The following AFF1 variants were observed in gnomAD, a reference collection of about 807,000 sequenced individuals.
AFF1 encodes the protein ALF transcription elongation factor 1, also known as AF4/FMR2 family member 1.
A neutral mutation model predicts 121.7 loss-of-function variants in AFF1; 48 were observed. The ratio of observed to expected loss-of-function variants is 0.39; its 90% CI spans 0.31 to 0.50. The LOEUF is 0.50. AFF1 is among the 20% of genes least tolerant of loss of function. The pLI is 0.76. For missense variants in AFF1, 1,523 were observed against 1,511.7 expected, an observed-to-expected ratio of 1.01 and a Z score of -0.12; for synonymous variants, 613 against 563.0, an observed-to-expected ratio of 1.09 and a Z score of -1.26.
chr4:87,108,077 G>T, intron 10 of AFF1, 82 bp from the exon 11 acceptor site: 1 of 1,500,218 alleles, frequency 6.7e-7, no homozygotes, highest in African/African-American at 1.4e-5. Context: ...GCCCTTTTGA[G>T]TAGCAGGAAA....
At chr4:86,959,863 G>A (rs1722021021) in intron 2 of AFF1, among the ~76,000 whole-genome samples, 1 of 152,192 alleles carries the variant, frequency 6.6e-6, no homozygotes, top group Non-Finnish European at 1.5e-5. Flanking sequence ...ATGTCTTAAA[G>A]CCAGCTTCTC....
intron 13 of AFF1, 98 bp downstream of exon 13, chr4:87,125,241 G>T: frequency 1.3e-6 from 1 of 792,278 alleles, no homozygotes. Flanking sequence ...AGAATCAGTG[G>T]ATTAATAAAC....
intron 1 of AFF1, 136 bp from the exon 2 acceptor site, chr4:86,948,362 G>T (rs2149449564): frequency 1.8e-6 from 1 of 565,584 alleles, no homozygotes; most frequent in African/African-American, 1.9e-5. Flanking sequence ...CATACAACTT[G>T]GGAATTGGAG....
At chr4:87,095,911 C>T (rs1325709100) in intron 8 of AFF1, among the ~76,000 whole-genome samples, 1 of 152,180 alleles carries the variant, frequency 6.6e-6, no homozygotes, top group African/African-American at 2.4e-5. Flanking sequence ...CTCAGGATTT[C>T]AGGTGGCCCA....
rs768276085 is a variant in AFF1 at position 87,134,568 on chromosome 4, G to A, written c.3409G>A (p.Ala1137Thr). The stretch of plus-strand genomic sequence containing the variant: ...TGGCAGTGTGGGGAGCAGTGGGGTG[G>A]CTGCCACTATCAGCACCCCAGTCAC... ...SAGSVGSSGV[A>T]ATISTPVTIQ... is the part of the protein sequence containing the mutation. Residue 1137 changes from alanine (A) to threonine (T), a missense_variant, in exon 20 of 21, where the codon GCT (alanine) becomes ACT (threonine). Ala to Thr is a moderately conservative substitution (Grantham distance 58). Coordinates refer to ENST00000395146, the MANE Select transcript of AFF1 (RefSeq NM_001166693.3). 1.2e-6 allele frequency: 2 copies of A among 1,613,830 alleles called. No homozygotes were observed. Among genetic ancestry groups the A allele is most frequent in the African/African-American group, 1.3e-5 (1 of 75,020 alleles).
At chr4:87,007,493 G>A in intron 2 of AFF1, 2 of 1,601,612 alleles carry the variant, frequency 1.2e-6, no homozygotes, top group Non-Finnish European at 1.7e-6. Flanking sequence ...TGCGGGGGAG[G>A]GCAGGGTGCG....
chr4:87,051,983 A>G (rs978704224), intron 4 of AFF1, among the ~76,000 whole-genome samples: 5 of 152,184 alleles, frequency 3.3e-5, no homozygotes, highest in African/African-American at 1.2e-4. Flanking sequence ...GAGGAGGCTG[A>G]CTTAAAAATG....
chr4:87,023,430 A>C (rs1306972632), intron 2 of AFF1, among the ~76,000 whole-genome samples: 2 of 144,476 alleles, frequency 1.4e-5, no homozygotes, highest in Non-Finnish European at 3.1e-5. Context: ...TATTATAAAA[A>C]CTGTGCCTAA....
In AFF1 at chr4:87,046,877, CCA is replaced by C; in HGVS notation, c.346_347del (p.Thr116Ter). The C allele has an allele frequency of 6.2e-7, 1 of 1,614,230 alleles. No homozygotes were observed. The highest frequency in any genetic ancestry group is 8.5e-7 in the Non-Finnish European group (1 of 1,180,040). On this transcript the variant is annotated frameshift_variant, in exon 4 of 21. Coordinates refer to ENST00000395146, the MANE Select transcript of AFF1 (RefSeq NM_001166693.3). LOFTEE classifies it high-confidence loss of function. Reference sequence around the variant, plus strand: ...GGAGCAGCATTCCATCCAGCTCCTTCCACACTAGTGTCCACCACCAGTCCATT... The same window carrying C: ...GGAGCAGCATTCCATCCAGCTCCTTCCACTAGTGTCCACCACCAGTCCATT... ...KGSSIPSSSF[H>X]TSVHHQSIHT...
rs1729450636 is a variant in AFF1, at chr4:87,138,193, A to G, written c.*2492A>G. The G allele has an allele frequency of 4.3e-6, 1 of 232,474 alleles. No homozygotes were observed. The highest frequency in any genetic ancestry group is 8.5e-6 in the Non-Finnish European group (1 of 117,690). 14.4% of individuals were successfully genotyped at this position (232,474 alleles called of 1,614,324 possible). On this transcript the variant is annotated 3_prime_UTR_variant, in exon 21 of 21. Transcript: ENST00000395146. ...CTAATGGTAACCTTTTTAATAGAGT[A>G]TGTGAAAGGTAGTGGCTGATGAATC...
intron 2 of AFF1, among the ~76,000 whole-genome samples, chr4:87,019,884 C>CGGG (rs34782951): frequency 0.17 from 14,194 of 81,830 alleles, 943 homozygotes; most frequent in Middle Eastern, 0.27. Flanking sequence ...CTGAAGGGGT[C>CGGG]GGGGGGGGGC....
chr4:87,084,604 A>ATAAATAAAT (rs1553929108), intron 5 of AFF1, among the ~76,000 whole-genome samples: 1 of 121,780 alleles, frequency 8.2e-6, no homozygotes, highest in Non-Finnish European at 1.9e-5. Flanking sequence ...AAATAAATAA[A>ATAAATAAAT]AAATAAAGAA....
chr4:87,091,866 C>T (rs755327655), intron 7 of AFF1, 37 bp downstream of exon 7: 2 of 1,469,060 alleles, frequency 1.4e-6, no homozygotes, highest in Non-Finnish European at 1.9e-6. Flanking sequence ...GATTGGAGAA[C>T]AAAGCATAGC....
rs1726897096 is a variant in AFF1 at position 87,114,665 on chromosome 4, A to G, written c.1832A>G (p.Gln611Arg). ...PPQRQTVGTK[Q>R]PKKPVKASAR... ...CAAAGGCAAACCGTTGGAACCAAACAACCCAAAAAACCTGTCAAGGCCTCT... is the reference window on the plus strand; with the variant it reads ...CAAAGGCAAACCGTTGGAACCAAACGACCCAAAAAACCTGTCAAGGCCTCT... Residue 611 changes from glutamine to arginine, a missense_variant, in exon 12 of 21, where the codon CAA (glutamine) becomes CGA (arginine). Gln to Arg is a conservative substitution (Grantham distance 43). Transcript: ENST00000395146. 2 of 1,612,490 alleles carry G rather than the reference A, an allele frequency of 1.2e-6. No individual in the cohort carries two copies. Among genetic ancestry groups the G allele is most frequent in the South Asian group, 1.1e-5 (1 of 91,018 alleles).
chr4:87,047,722 C>A, intron 4 of AFF1, 128 bp downstream of exon 4: 2 of 1,243,270 alleles, frequency 1.6e-6, no homozygotes, highest in Non-Finnish European at 2.4e-6. Flanking sequence ...TTCTTTTTGG[C>A]TTTAGGATCT....
intron 10 of AFF1, 70 bp from the exon 11 acceptor site, chr4:87,108,089 T>C: frequency 6.5e-7 from 1 of 1,544,730 alleles, no homozygotes; most frequent in South Asian, 1.2e-5. Context: ...AGCAGGAAAA[T>C]GGGCAAGGGA....
intron 2 of AFF1, among the ~76,000 whole-genome samples, chr4:86,982,817 C>T (rs1723865364): frequency 7.4e-6 from 1 of 135,916 alleles, no homozygotes; most frequent in South Asian, 2.4e-4. Flanking sequence ...CACTGCACTC[C>T]AGTCTGGGCG....
intron 4 of AFF1, among the ~76,000 whole-genome samples, chr4:87,083,302 A>G (rs1723355907): frequency 6.6e-6 from 1 of 152,230 alleles, no homozygotes; most frequent in East Asian, 1.9e-4. Context: ...CTAAGACAAT[A>G]ATTAATCTCC....
intron 2 of AFF1, among the ~76,000 whole-genome samples, chr4:86,960,040 C>T (rs532515109): frequency 6.6e-6 from 1 of 152,126 alleles, no homozygotes; most frequent in South Asian, 2.1e-4. Context: ...AAAAGAATCT[C>T]CAGGGGTGAT....
Sources: allele counts gnomAD v4.1 joint callset (sites outside exome capture counted in the v4.1 genomes callset), GRCh38; gene constraint gnomAD v4.1.1; transcripts MANE v1.5; gene names NCBI Gene and HGNC (gene_info 2026-07-23, HGNC 2026-07-21).